BLTP3A: variants seen among roughly 807,000 people sequenced by gnomAD.
BLTP3A encodes the protein ICBP90 binding protein 1.
chr6:34,867,590 G>T, the BLTP3A span: 1 of 1,613,362 alleles, frequency 6.2e-7, no homozygotes, highest in South Asian at 1.1e-5. Context: ...GTGGGACTCT[G>T]GCAGTTCCTG....
the BLTP3A span, chr6:34,858,662 C>CT: frequency 1.2e-6 from 2 of 1,614,218 alleles, no homozygotes; most frequent in Non-Finnish European, 1.7e-6. Context: ...GCCCCTGACT[C>CT]TATGTCCCAT....
At chr6:34,856,805 C>T in the BLTP3A span, 4 of 1,613,200 alleles carry the variant, frequency 2.5e-6, no homozygotes, top group Non-Finnish European at 3.4e-6. Flanking sequence ...CTTTCCAGTC[C>T]TCGAAAGAAC....
chr6:34,837,409 G>C, the BLTP3A span, among the ~76,000 whole-genome samples: 1 of 151,944 alleles, frequency 6.6e-6, no homozygotes, highest in African/African-American at 2.4e-5. Context: ...GAGATCAGCT[G>C]CAGTGGGCTC....
At chr6:34,871,808 G>T in the BLTP3A span, 9 of 1,613,610 alleles carry the variant, frequency 5.6e-6, no homozygotes, top group Non-Finnish European at 7.6e-6. Flanking sequence ...ACCTTTACTT[G>T]TTTTCTCCAG....
chr6:34,801,319 C>G, the BLTP3A span, among the ~76,000 whole-genome samples: 1 of 152,140 alleles, frequency 6.6e-6, no homozygotes, highest in Non-Finnish European at 1.5e-5. Context: ...TTGAATAGTT[C>G]CCTATGTTAG....
chr6:34,797,937 C>T, the BLTP3A span, among the ~76,000 whole-genome samples: 2 of 152,180 alleles, frequency 1.3e-5, no homozygotes, highest in Admixed American at 1.3e-4. Flanking sequence ...GCTCTTCAAC[C>T]ACTCTGCTGC....
chr6:34,843,394 C>G, the BLTP3A span, among the ~76,000 whole-genome samples: 1 of 151,880 alleles, frequency 6.6e-6, no homozygotes, highest in South Asian at 2.1e-4. Context: ...TTAAGTTAAT[C>G]AAGTGCTGAA....
chr6:34,819,156 C>CT, the BLTP3A span, among the ~76,000 whole-genome samples: 13,237 of 142,874 alleles, frequency 0.093, 690 homozygotes, highest in Middle Eastern at 0.13. Flanking sequence ...TTTTTTTTTA[C>CT]TTTTTTTTTT....
chr6:34,855,763 C>T, the BLTP3A span: 1 of 1,607,858 alleles, frequency 6.2e-7, no homozygotes, highest in South Asian at 1.1e-5. Flanking sequence ...AGGGCAGATT[C>T]CTGGATTCAT....
chr6:34,803,127 T>G, the BLTP3A span, among the ~76,000 whole-genome samples: 2 of 151,796 alleles, frequency 1.3e-5, no homozygotes, highest in Admixed American at 1.3e-4. Flanking sequence ...AAGGTTGCAG[T>G]GAGCTGTGAT....
chr6:34,804,332 A>G, the BLTP3A span, among the ~76,000 whole-genome samples: 1 of 152,132 alleles, frequency 6.6e-6, no homozygotes, highest in Non-Finnish European at 1.5e-5. Flanking sequence ...TATTTAGGCA[A>G]ACTTTATTGC....
the BLTP3A span, chr6:34,864,316 TAATCAAG>T: frequency 1.9e-6 from 2 of 1,058,296 alleles, no homozygotes; most frequent in South Asian, 4.3e-5. Context: ...GACATTTTCT[TAATCAAG>T]ACAAAAAAAG....
the BLTP3A span, among the ~76,000 whole-genome samples, chr6:34,829,027 C>CAAAAAAAAAAAAAA: frequency 5.9e-5 from 3 of 50,726 alleles, no homozygotes; most frequent in African/African-American, 9.3e-5. Context: ...AACTCCATCT[C>CAAAAAAAAAAAAAA]AAAAAAAAAA....
chr6:34,866,155 T>TG, the BLTP3A span, among the ~76,000 whole-genome samples: 2 of 152,292 alleles, frequency 1.3e-5, no homozygotes, highest in East Asian at 3.9e-4. Flanking sequence ...ACCTCACGCG[T>TG]GTAATCCCAG....
the BLTP3A span, chr6:34,834,398 C>T: frequency 5.0e-6 from 8 of 1,612,922 alleles, no homozygotes; most frequent in South Asian, 2.2e-5. Context: ...TGACCCCTGC[C>T]GAGGAGAGGT....
chr6:34,832,158 C>T, the BLTP3A span, among the ~76,000 whole-genome samples: 1 of 148,276 alleles, frequency 6.7e-6, no homozygotes. Context: ...CTCACTCTGT[C>T]ACTCAGGTTG....
chr6:34,862,923 T>TA, the BLTP3A span, among the ~76,000 whole-genome samples: 10 of 151,870 alleles, frequency 6.6e-5, no homozygotes, highest in Admixed American at 2.0e-4. Context: ...TTTTTTTTTT[T>TA]ATTGAGATGA....
At chr6:34,817,794 T>C in the BLTP3A span, among the ~76,000 whole-genome samples, 1 of 151,814 alleles carries the variant, frequency 6.6e-6, no homozygotes, top group Admixed American at 6.6e-5. Context: ...AGAAGAGGCC[T>C]GAGTAAGAAG....
the BLTP3A span, among the ~76,000 whole-genome samples, chr6:34,854,091 G>T: frequency 2.0e-5 from 3 of 151,980 alleles, no homozygotes; most frequent in African/African-American, 7.2e-5. Flanking sequence ...ACATGGTGGC[G>T]CATGCCTGTA....
Sources: allele counts gnomAD v4.1 joint callset (sites outside exome capture counted in the v4.1 genomes callset), GRCh38; gene constraint gnomAD v4.1.1; transcripts MANE v1.5; gene names NCBI Gene and HGNC (gene_info 2026-07-23, HGNC 2026-07-21).